The following RSBN1 variants were observed in gnomAD, a reference collection of about 807,000 sequenced individuals.
The protein encoded by RSBN1 is lysine-specific demethylase 9.
Under a neutral mutation model 74.8 loss-of-function variants are expected in RSBN1, and 23 were observed. The ratio of observed to expected loss-of-function variants is 0.31; its 90% CI spans 0.22 to 0.44. RSBN1 has a LOEUF of 0.44. Ranked by LOEUF, RSBN1 falls within the 20% of genes least tolerant of loss-of-function variation. The pLI is 1.00. For missense variants in RSBN1, 808 were observed against 1,020.9 expected (o/e 0.79, Z 2.84); for synonymous variants, 407 against 379.6 (o/e 1.07, Z -0.84).
intron 2 of RSBN1, among the ~76,000 whole-genome samples, chr1:113,781,769 T>G (rs1660144696): frequency 6.6e-6 from 1 of 152,190 alleles, no homozygotes; most frequent in Admixed American, 6.6e-5. Flanking sequence ...AATCAGGAAT[T>G]GATAAATCCC....
chr1:113,797,327 G>A (rs766906297), intron 2 of RSBN1, 36 bp downstream of exon 2: 226 of 1,211,400 alleles, frequency 1.9e-4, no homozygotes, highest in Non-Finnish European at 2.4e-4. Flanking sequence ...GTTTAGAATC[G>A]TATTTACTAA....
intron 1 of RSBN1, among the ~76,000 whole-genome samples, chr1:113,806,551 A>G (rs917040800): frequency 6.6e-6 from 1 of 152,084 alleles, no homozygotes; most frequent in Non-Finnish European, 1.5e-5. Context: ...AAATTATAAA[A>G]CTTTTAGAAG....
chr1:113,773,477 C>T (rs1659920067), intron 4 of RSBN1, among the ~76,000 whole-genome samples: 1 of 151,986 alleles, frequency 6.6e-6, no homozygotes, highest in South Asian at 2.1e-4. Context: ...GAGCCAAGAT[C>T]GCACCACTGC....
chr1:113,765,978 T>C lies in RSBN1; in HGVS notation c.*2A>G, dbSNP rs762660531. On this transcript the variant is annotated 3_prime_UTR_variant, in exon 7 of 7. Coordinates refer to ENST00000261441, the MANE Select transcript of RSBN1 (RefSeq NM_018364.5). The stretch of plus-strand genomic sequence containing the variant: ...TAAAAAATGTGTTTGAATATGTACA[T>C]ATCACACAGAAGTGGTTGAATGTTC... 29 of 1,607,104 alleles carry C rather than the reference T, an allele frequency of 1.8e-5. No individual in the cohort carries two copies. The East Asian group carries it at 3.6e-4, about 20-fold the overall frequency.
chr1:113,781,246 T>A (rs1218034112), intron 2 of RSBN1, among the ~76,000 whole-genome samples: 2 of 152,224 alleles, frequency 1.3e-5, no homozygotes, highest in African/African-American at 4.8e-5. Context: ...ATAAGAATCC[T>A]ACTTCTGTAA....
rs544060537 is a variant in RSBN1, at chr1:113,812,447, G to C, written c.-35C>G. On this transcript the variant is annotated 5_prime_UTR_variant, in exon 1 of 7. Coordinates refer to ENST00000261441, the MANE Select transcript of RSBN1 (RefSeq NM_018364.5). ...GGCCGTTCCCAGCTTTTCTCCGCAGGCCTCTCCAACCGAGCTTCTATTGTA... is the reference window on the plus strand; with the variant it reads ...GGCCGTTCCCAGCTTTTCTCCGCAGCCCTCTCCAACCGAGCTTCTATTGTA... 22 of 1,548,806 alleles carry C rather than the reference G, an allele frequency of 1.4e-5. No homozygotes were observed. In the East Asian group the frequency reaches 3.5e-4, roughly 24 times the overall value.
chr1:113,777,815 TA>T lies in RSBN1; in HGVS notation c.1378-8del. On this transcript the variant is annotated splice_region_variant and splice_polypyrimidine_tract_variant and intron_variant, in intron 2 of 6. Coordinates refer to ENST00000261441, the MANE Select transcript of RSBN1 (RefSeq NM_018364.5). ...AGCAGTATGTCCTGTTGACCTAAGA[TA>T]AAACAAAAGAGGGAAAAATGGACTG... The T allele has an allele frequency of 6.5e-7, 1 of 1,539,386 alleles. No individual in the cohort carries two copies. The highest frequency in any genetic ancestry group is 8.8e-7 in the Non-Finnish European group (1 of 1,138,766).
At chr1:113,810,023 A>G (rs1341698662) in intron 1 of RSBN1, among the ~76,000 whole-genome samples, 1 of 152,208 alleles carries the variant, frequency 6.6e-6, no homozygotes, top group Non-Finnish European at 1.5e-5. Flanking sequence ...TACACATGTT[A>G]TTGCCACTAT....
intron 1 of RSBN1, among the ~76,000 whole-genome samples, chr1:113,802,039 C>G (rs572288742): frequency 3.6e-4 from 55 of 151,932 alleles, no homozygotes; most frequent in Admixed American, 3.5e-3. Context: ...ACTGCAACCT[C>G]TGCCTCCCAA....
rs1659719780 is a variant in RSBN1 at position 113,763,440 on chromosome 1, C to T, written c.*2540G>A. 1 of 152,636 alleles carries T rather than the reference C, an allele frequency of 6.6e-6. No homozygotes were observed. The highest frequency in any genetic ancestry group is 6.5e-5 in the Admixed American group (1 of 15,276). The allele number at this position is 152,636 out of a possible 1,614,324, so 9.5% of individuals were successfully genotyped here. A position where few individuals can be genotyped will look rare whatever the true frequency, so the allele number is the denominator to read the frequency against. The stretch of plus-strand genomic sequence containing the variant: ...CGCCAGATTGCTCCATGCCTCACTC[C>T]ACCAAACCAAATAATTTAATGATTT... On this transcript the variant is annotated 3_prime_UTR_variant, in exon 7 of 7. Transcript: ENST00000261441.
intron 4 of RSBN1, among the ~76,000 whole-genome samples, chr1:113,771,888 AAAACAGGGC>A (rs1659890991): frequency 1.3e-5 from 2 of 151,874 alleles, no homozygotes; most frequent in African/African-American, 4.8e-5. Flanking sequence ...CCTACCTCAA[AAAACAGGGC>A]AATCAGAAAC....
intron 1 of RSBN1, among the ~76,000 whole-genome samples, chr1:113,805,295 T>C (rs1483080786): frequency 6.6e-6 from 1 of 152,142 alleles, no homozygotes; most frequent in Non-Finnish European, 1.5e-5. Context: ...TTCACCATGT[T>C]GACTAGGCTG....
intron 4 of RSBN1, among the ~76,000 whole-genome samples, chr1:113,768,768 G>C (rs1659832582): frequency 1.3e-5 from 2 of 151,934 alleles, no homozygotes; most frequent in Admixed American, 1.3e-4. Flanking sequence ...CAAAACTCTG[G>C]ATGGAAATAT....
intron 6 of RSBN1, 72 bp from the exon 7 acceptor site, chr1:113,766,525 G>C: frequency 1.0e-6 from 1 of 970,394 alleles, no homozygotes; most frequent in Non-Finnish European, 1.5e-6. Flanking sequence ...AATTAGCAAA[G>C]GAAAACAGTA....
At chr1:113,771,688 A>G (rs1472600962) in intron 4 of RSBN1, among the ~76,000 whole-genome samples, 2 of 151,710 alleles carry the variant, frequency 1.3e-5, no homozygotes, top group Non-Finnish European at 2.9e-5. Flanking sequence ...GAAGAAAGTA[A>G]TGTACCTTAA....
chr1:113,788,447 T>C (rs1660302129), intron 2 of RSBN1, among the ~76,000 whole-genome samples: 1 of 152,126 alleles, frequency 6.6e-6, no homozygotes, highest in Admixed American at 6.6e-5. Context: ...AAATATTTCA[T>C]AGTAATTTTT....
chr1:113,780,236 T>C (rs142737618), intron 2 of RSBN1, among the ~76,000 whole-genome samples: 62 of 152,286 alleles, frequency 4.1e-4, no homozygotes, highest in African/African-American at 1.5e-3. Context: ...TCAAGACCAA[T>C]CCTAAAGAAG....
At chr1:113,781,283 T>G (rs1660135371) in intron 2 of RSBN1, among the ~76,000 whole-genome samples, 1 of 152,232 alleles carries the variant, frequency 6.6e-6, no homozygotes, top group African/African-American at 2.4e-5. Flanking sequence ...CTGTCTCTAT[T>G]GCCTCACCTC....
chr1:113,766,987 T>C, intron 6 of RSBN1, 112 bp downstream of exon 6: 1 of 550,746 alleles, frequency 1.8e-6, no homozygotes, highest in Non-Finnish European at 3.2e-6. Flanking sequence ...TTAACAGTAA[T>C]AAAATTAAAC....
Sources: gnomAD v4.1 joint callset for allele counts (sites outside exome capture counted in the v4.1 genomes callset) on GRCh38, gnomAD v4.1.1 for gene constraint, MANE v1.5 for transcripts, NCBI Gene and HGNC (gene_info 2026-07-23, HGNC 2026-07-21) for gene names.